The following ZNF687 variants were observed in gnomAD, a reference collection of about 807,000 sequenced individuals.
ZNF687 encodes zinc finger protein 687.
ZNF687 carries 13 observed loss-of-function variants against 71.8 expected under a neutral mutation model. The ratio of observed to expected loss-of-function variants is 0.18; its 90% CI spans 0.12 to 0.29. ZNF687 has a LOEUF of 0.29. Ranked by LOEUF, ZNF687 falls within the 10% of genes least tolerant of loss-of-function variation. ZNF687 has a pLI of 1.00. For synonymous variants in ZNF687, 673 were observed against 641.6 expected, an observed-to-expected ratio of 1.05 and a Z score of -0.74; for missense variants, 1,412 against 1,625.6, an observed-to-expected ratio of 0.87 and a Z score of 2.26.
Position 151,289,820 on chromosome 1 carries a change from C to A in ZNF687, c.2777C>A (p.Ser926Ter). ...GCTACTGAGGAGTCGTCTTCATCTTCAGAAGAGGAGGAAGTACCCAGCTCC... is the reference window on the plus strand; with the variant it reads ...GCTACTGAGGAGTCGTCTTCATCTTAAGAAGAGGAGGAAGTACCCAGCTCC... ...APATEESSSS[S>*]EEEEVPSSPE... is the part of the protein sequence containing the mutation. The change falls in exon 6 of 9, where the codon TCA becomes TAA. Residue 926 changes from serine (S) to a stop codon, truncating the protein, a stop_gained. Coordinates refer to ENST00000336715, the MANE Select transcript of ZNF687 (RefSeq NM_020832.3). LOFTEE classifies it high-confidence loss of function. 6.4e-7 allele frequency: 1 copy of A among 1,569,006 alleles called. No individual in the cohort carries two copies. The highest frequency in any genetic ancestry group is 2.4e-5 in the East Asian group (1 of 42,370).
At position 151,288,341 on chromosome 1, in the gene ZNF687, G is replaced by C. The variant is rs1229058351; in HGVS notation, c.2050G>C (p.Asp684His). ...RCLECKEQCRDKAGMAAHFQQ... is the reference protein window; with the variant it reads ...RCLECKEQCRHKAGMAAHFQQ... ...CCTGGAGTGCAAGGAACAGTGCCGGGACAAGGCTGGCATGGCAGCTCACTT... is the reference window on the plus strand; with the variant it reads ...CCTGGAGTGCAAGGAACAGTGCCGGCACAAGGCTGGCATGGCAGCTCACTT... Residue 684 changes from aspartate (D) to histidine (H), a missense_variant, in exon 2 of 9, where the codon GAC becomes CAC. Physicochemically the swap from Asp to His is moderately conservative, Grantham distance 81 (BLOSUM62 -1). Around this residue, in one of 8 missense-constraint regions of ZNF687, gnomAD observed 207 missense variants for 239.2 expected, o/e 0.87. Coordinates refer to ENST00000336715, the MANE Select transcript of ZNF687 (RefSeq NM_020832.3). 6.2e-7 allele frequency: 1 copy of C among 1,611,168 alleles called. No homozygotes were observed. The highest frequency in any genetic ancestry group is 1.7e-5 in the Admixed American group (1 of 60,006).
At position 151,289,273 on chromosome 1, in the gene ZNF687, TGAGGCCCGGGG is replaced by T; in HGVS notation, c.2471+7_2471+17del. The stretch of plus-strand genomic sequence containing the variant: ...CAGCTTCCAAACTCAGCAGGCCAAG[TGAGGCCCGGGG>T]GAGGGCCGGGCTGGGCCAGGGAGGG... On this transcript the variant is annotated splice_donor_5th_base_variant and intron_variant, in intron 4 of 8. Transcript: ENST00000336715. The T allele has an allele frequency of 1.9e-6, 3 of 1,613,660 alleles. No individual in the cohort carries two copies. Among genetic ancestry groups the T allele is most frequent in the East Asian group, 2.2e-5 (1 of 44,858 alleles).
chr1:151,288,223 C>G lies in ZNF687; in HGVS notation c.1932C>G (p.Ala644=). 1 of 1,613,818 alleles carries G rather than the reference C, an allele frequency of 6.2e-7. No homozygotes were observed. The highest frequency in any genetic ancestry group is 8.5e-7 in the Non-Finnish European group (1 of 1,180,020). ...GKGEGAITSS[A]ITTVAAEAPV... ...GTGAGGGGGCCATCACCTCCTCTGC[C>G]ATTACTACAGTTGCTGCTGAGGCCC... The change falls in exon 2 of 9, where the codon GCC becomes GCG. Residue 644 remains alanine, a synonymous_variant. Coordinates refer to ENST00000336715, the MANE Select transcript of ZNF687 (RefSeq NM_020832.3).
At chr1:151,281,537 C>T (rs1693710264), upstream of ZNF687, 1 of 471,070 alleles carries the variant, frequency 2.1e-6, no homozygotes, top group African/African-American at 2.0e-5. Flanking sequence ...GCGAGCCCTT[C>T]CCAACCTTTA....
chr1:151,290,026 G>A lies in ZNF687; in HGVS notation c.2964+19G>A, dbSNP rs780554219. 2 of 1,596,828 alleles carry A rather than the reference G, an allele frequency of 1.3e-6. No homozygotes were observed. The highest frequency in any genetic ancestry group is 2.2e-5 in the South Asian group (2 of 89,540). ...TGGCAAGGTGAGTGGGCCCCAAGGG[G>A]AGTACCATGGGCTGGGGGCAGCATT... On this transcript the variant is annotated intron_variant, in intron 6 of 8. Transcript: ENST00000336715.
At position 151,287,131 on chromosome 1, in the gene ZNF687, C is replaced by G; in HGVS notation, c.840C>G (p.Val280=). 3 of 1,614,180 alleles carry G rather than the reference C, an allele frequency of 1.9e-6. No homozygotes were observed. The highest frequency in any genetic ancestry group is 2.5e-6 in the Non-Finnish European group (3 of 1,180,026). The change falls in exon 2 of 9, where the codon GTC becomes GTG. Residue 280 remains valine (V), a synonymous_variant. Transcript: ENST00000336715. The surrounding 1 kb of genome is among the most constrained non-coding windows in gnomAD (Gnocchi z 5.0). ...CTCTTGCCTCCCCCAAAGTGCCCGTCTGTCAGCCCTTGAAGGAAGAAGATG... is the reference window on the plus strand; with the variant it reads ...CTCTTGCCTCCCCCAAAGTGCCCGTGTGTCAGCCCTTGAAGGAAGAAGATG... ...QSPLASPKVP[V]CQPLKEEDDD...
chr1:151,282,035 C>A, upstream of ZNF687: 1 of 1,274,698 alleles, frequency 7.8e-7, no homozygotes, highest in South Asian at 1.3e-5. Flanking sequence ...GTTTACGAGA[C>A]TCGTAGATGG....
chr1:151,288,228 C>G lies in ZNF687; in HGVS notation c.1937C>G (p.Thr646Ser), dbSNP rs1253108654. The part of the protein sequence containing the change: ...GEGAITSSAI[T>S]TVAAEAPVLP... ...GGGGCCATCACCTCCTCTGCCATTACTACAGTTGCTGCTGAGGCCCCTGTC... is the reference window on the plus strand; with the variant it reads ...GGGGCCATCACCTCCTCTGCCATTAGTACAGTTGCTGCTGAGGCCCCTGTC... Residue 646 changes from threonine to serine, a missense_variant, in exon 2 of 9, where the codon ACT becomes AGT. Transcript: ENST00000336715. The G allele has an allele frequency of 9.3e-6, 15 of 1,613,672 alleles. No homozygotes were observed. Among genetic ancestry groups the G allele is most frequent in the African/African-American group, 2.7e-5 (2 of 74,932 alleles).
rs777462321 is a variant in ZNF687, at chr1:151,287,960, A to G, written c.1669A>G (p.Met557Val). The G allele has an allele frequency of 4.2e-5, 67 of 1,613,696 alleles. No individual in the cohort carries two copies. Among genetic ancestry groups the G allele is most frequent in the Non-Finnish European group, 5.7e-5 (67 of 1,180,016 alleles). Residue 557 changes from methionine (M) to valine (V), a missense_variant, in exon 2 of 9, where the codon ATG (methionine) becomes GTG (valine). By Grantham distance (21) the Met-to-Val change is conservative (BLOSUM62 1). This residue lies in a region of ZNF687 where 50 missense variants were observed against 106.6 expected (regional missense o/e 0.47). Coordinates refer to ENST00000336715, the MANE Select transcript of ZNF687 (RefSeq NM_020832.3). The surrounding 1 kb of genome is among the most constrained non-coding windows in gnomAD (Gnocchi z 5.0). ...SLARHYDRRS[M>V]RIEVTCNHCA... Reference sequence around the variant, plus strand: ...GGCACGGCACTATGACCGTCGGAGCATGCGCATCGAGGTCACCTGCAACCA... The same window carrying G: ...GGCACGGCACTATGACCGTCGGAGCGTGCGCATCGAGGTCACCTGCAACCA...
Position 151,287,436 on chromosome 1 carries a change from G to T in ZNF687, c.1145G>T (p.Gly382Val), listed in dbSNP as rs1251278089. ...KLSPATPTSEGPKVVSVQLGD... is the reference protein window; with the variant it reads ...KLSPATPTSEVPKVVSVQLGD... ...TCCCCTGCAACACCTACTTCTGAGGGTCCAAAGGTGGTGAGCGTACAGTTG... is the reference window on the plus strand; with the variant it reads ...TCCCCTGCAACACCTACTTCTGAGGTTCCAAAGGTGGTGAGCGTACAGTTG... The change falls in exon 2 of 9, where the codon GGT becomes GTT. Residue 382 changes from glycine to valine, a missense_variant. By Grantham distance (109) the Gly-to-Val change is moderately radical. This residue lies in a region of ZNF687 where 490 missense variants were observed against 489.9 expected (regional missense o/e 1.00). Coordinates refer to ENST00000336715, the MANE Select transcript of ZNF687 (RefSeq NM_020832.3). This position sits in a 1 kb window ranked among gnomAD's most constrained non-coding sequence, Gnocchi z 5.0. The T allele has an allele frequency of 6.2e-7, 1 of 1,614,172 alleles. No individual in the cohort carries two copies.
Position 151,290,246 on chromosome 1 carries a change from T to G in ZNF687, c.3077+12T>G, listed in dbSNP as rs767900981. 18 of 1,613,426 alleles carry G rather than the reference T, an allele frequency of 1.1e-5. No individual in the cohort carries two copies. In the East Asian group the frequency reaches 4.0e-4, roughly 36 times the overall value. On this transcript the variant is annotated intron_variant, in intron 7 of 8. Transcript: ENST00000336715. The stretch of plus-strand genomic sequence containing the variant: ...GTTTACCCCTGCAGGTAAGTCTTGC[T>G]CCCCGCTTCCTCTTCCTGCCCAGCA...
At position 151,287,000 on chromosome 1, in the gene ZNF687, C is replaced by G. The variant is rs765567857; in HGVS notation, c.709C>G (p.Gln237Glu). 11 of 1,601,854 alleles carry G rather than the reference C, an allele frequency of 6.9e-6. No individual in the cohort carries two copies. The highest frequency in any genetic ancestry group is 9.4e-6 in the Non-Finnish European group (11 of 1,172,394). ...SPHHPQVLAQ[Q>E]GSGSSPKATD... The stretch of plus-strand genomic sequence containing the variant: ...CCATCATCCCCAGGTCCTAGCCCAA[C>G]AAGGCTCAGGCTCCAGCCCTAAGGC... Residue 237 changes from glutamine to glutamate, a missense_variant, in exon 2 of 9, where the codon CAA (glutamine) becomes GAA (glutamate). Coordinates refer to ENST00000336715, the MANE Select transcript of ZNF687 (RefSeq NM_020832.3).
In ZNF687 at chr1:151,286,995, C is replaced by A; in HGVS notation, c.704C>A (p.Ala235Asp). Residue 235 changes from alanine (A) to aspartate (D), a missense_variant, in exon 2 of 9, where the codon GCC becomes GAC. Coordinates refer to ENST00000336715, the MANE Select transcript of ZNF687 (RefSeq NM_020832.3). ...AGCCCCCATCATCCCCAGGTCCTAG[C>A]CCAACAAGGCTCAGGCTCCAGCCCT... The part of the protein sequence containing the change: ...SCSPHHPQVL[A>D]QQGSGSSPKA... The A allele has an allele frequency of 6.2e-7, 1 of 1,601,868 alleles. No homozygotes were observed. The highest frequency in any genetic ancestry group is 8.5e-7 in the Non-Finnish European group (1 of 1,172,496).
In ZNF687 at chr1:151,289,418, C is replaced by A. The variant is rs1447388793; in HGVS notation, c.2512C>A (p.His838Asn). 6.2e-7 allele frequency: 1 copy of A among 1,614,084 alleles called. No individual in the cohort carries two copies. Among genetic ancestry groups the A allele is most frequent in the South Asian group, 1.1e-5 (1 of 91,096 alleles). ...CGCCATGTGCGACACAGTCTTCACTCACAAACCCCTCCTCTCCTCACACTT... is the reference window on the plus strand; with the variant it reads ...CGCCATGTGCGACACAGTCTTCACTAACAAACCCCTCCTCTCCTCACACTT... ...KCAMCDTVFT[H>N]KPLLSSHFDQ... Residue 838 changes from histidine to asparagine, a missense_variant, in exon 5 of 9, where the codon CAC becomes AAC. Physicochemically the swap from His to Asn is moderately conservative, Grantham distance 68 (BLOSUM62 1). Coordinates refer to ENST00000336715, the MANE Select transcript of ZNF687 (RefSeq NM_020832.3).
chr1:151,290,793 C>T lies in ZNF687; in HGVS notation c.3298C>T (p.Pro1100Ser), dbSNP rs775628292. 7 of 1,613,792 alleles carry T rather than the reference C, an allele frequency of 4.3e-6. No individual in the cohort carries two copies. In the South Asian group the frequency reaches 6.6e-5, roughly 15 times the overall value. ...CAGCACGACACCGCCAGCCAAGTCCCCCAGGGGCGGACCTGGATCTGGAGG... is the reference window on the plus strand; with the variant it reads ...CAGCACGACACCGCCAGCCAAGTCCTCCAGGGGCGGACCTGGATCTGGAGG... Reference protein sequence around the residue: ...PDSTTPPAKSPRGGPGSGGHG... With the variant: ...PDSTTPPAKSSRGGPGSGGHG... Residue 1100 changes from proline to serine, a missense_variant, in exon 9 of 9, where the codon CCC becomes TCC. Physicochemically the swap from Pro to Ser is moderately conservative, Grantham distance 74 (BLOSUM62 -1). Coordinates refer to ENST00000336715, the MANE Select transcript of ZNF687 (RefSeq NM_020832.3).
chr1:151,286,925 C>G lies in ZNF687; in HGVS notation c.634C>G (p.Pro212Ala). The change falls in exon 2 of 9, where the codon CCT (proline) becomes GCT (alanine). Residue 212 changes from proline to alanine, a missense_variant. Physicochemically the swap from Pro to Ala is conservative, Grantham distance 27 (BLOSUM62 -1). Around this residue, in one of 8 missense-constraint regions of ZNF687, gnomAD observed 490 missense variants for 489.9 expected, o/e 1.00. Transcript: ENST00000336715. ...AQENGPGMQPPVSSPPLGALK... is the reference protein window; with the variant it reads ...AQENGPGMQPAVSSPPLGALK... The stretch of plus-strand genomic sequence containing the variant: ...GGAGAATGGCCCAGGCATGCAGCCA[C>G]CTGTTTCTTCCCCACCATTGGGGGC... 6.2e-7 allele frequency: 1 copy of G among 1,612,826 alleles called. No individual in the cohort carries two copies.
At position 151,287,096 on chromosome 1, in the gene ZNF687, C is replaced by T; in HGVS notation, c.805C>T (p.His269Tyr). 1.2e-6 allele frequency: 2 copies of T among 1,613,998 alleles called. No individual in the cohort carries two copies. Among genetic ancestry groups the T allele is most frequent in the South Asian group, 2.2e-5 (2 of 91,074 alleles). The change falls in exon 2 of 9, where the codon CAC becomes TAC. Residue 269 changes from histidine to tyrosine, a missense_variant. By Grantham distance (83) the His-to-Tyr change is moderately conservative. Around this residue, in one of 8 missense-constraint regions of ZNF687, gnomAD observed 490 missense variants for 489.9 expected, o/e 1.00. Transcript: ENST00000336715. The surrounding 1 kb of genome is among the most constrained non-coding windows in gnomAD (Gnocchi z 5.0). ...GCCCTTCTTCAAGCAGTCTCCAGGG[C>T]ACCAGAGCCCTCTTGCCTCCCCCAA... ...GVPFFKQSPG[H>Y]QSPLASPKVP...
Position 151,290,452 on chromosome 1 carries a change from G to A in ZNF687, c.3098G>A (p.Arg1033His), listed in dbSNP as rs199981013. 3.7e-6 allele frequency: 6 copies of A among 1,613,816 alleles called. No individual in the cohort carries two copies. In the East Asian group the frequency reaches 8.9e-5, roughly 24 times the overall value. Residue 1033 changes from arginine to histidine, a missense_variant, in exon 8 of 9, where the codon CGC becomes CAC. Arg to His is a conservative substitution (Grantham distance 29). Around this residue, in one of 8 missense-constraint regions of ZNF687, gnomAD observed 284 missense variants for 359.2 expected, o/e 0.79. Transcript: ENST00000336715. ...TTCAGGTATTGCACAGAGGGAAAAC[G>A]CACCTTCAGCAGCCGCCTGATCCTA... The part of the protein sequence containing the change: ...YPCRYCTEGK[R>H]TFSSRLILEK...
chr1:151,283,561 G>C (rs1401695116), intron 1 of ZNF687, among the ~76,000 whole-genome samples: 2 of 152,124 alleles, frequency 1.3e-5, no homozygotes, highest in Non-Finnish European at 2.9e-5. Flanking sequence ...CAAGAGGGAG[G>C]TGGCTGGCGG....
Sources: allele counts gnomAD v4.1 joint callset (sites outside exome capture counted in the v4.1 genomes callset), GRCh38; gene constraint gnomAD v4.1.1; regional missense constraint gnomAD v4.1.1; non-coding constraint Gnocchi (gnomAD v3.1); transcripts MANE v1.5; gene names NCBI Gene and HGNC (gene_info 2026-07-23, HGNC 2026-07-21).